Variants in GRIK4 observed in about 807,000 individuals in gnomAD.
GRIK4 encodes the protein glutamate ionotropic receptor kainate type subunit 4.
Under a neutral mutation model 104.9 loss-of-function variants are expected in GRIK4, and 40 were observed. The observed-to-expected ratio is 0.38, with a 90% CI of 0.30 to 0.50. The LOEUF (loss-of-function observed/expected upper bound fraction) is 0.50, where lower values mean the gene tolerates loss of function less well. GRIK4 is among the 20% of genes least tolerant of loss of function. The probability of loss-of-function intolerance (pLI) is 0.93; values close to 1 mark genes in which losing one functional copy is unlikely to be tolerated. For synonymous variants in GRIK4, 485 were observed against 524.9 expected, an observed-to-expected ratio of 0.92 and a Z score of 1.04; for missense variants, 1,047 against 1,308.1, an observed-to-expected ratio of 0.80 and a Z score of 3.08.
At chr11:120,775,865 A>G (rs1565344936) in intron 3 of GRIK4, among the ~76,000 whole-genome samples, 1 of 152,228 alleles carries the variant, frequency 6.6e-6, no homozygotes, top group East Asian at 1.9e-4. Flanking sequence ...ACACGGTGCT[A>G]CCTCTTGGGG....
At chr11:120,835,433 C>T (rs967194305) in intron 7 of GRIK4, among the ~76,000 whole-genome samples, 3 of 152,188 alleles carry the variant, frequency 2.0e-5, no homozygotes, top group Admixed American at 2.0e-4. Flanking sequence ...CAGCCTGAGG[C>T]AGGAGAATCA....
Position 120,985,966 on chromosome 11 carries a change from CCACCCCCGCCGGCGGCGCGCCG to C in GRIK4, c.2580_2601del (p.His860GlnfsTer188), listed in dbSNP as rs917418071. On this transcript the variant is annotated frameshift_variant, in exon 21 of 21. Coordinates refer to ENST00000527524, the MANE Select transcript of GRIK4 (RefSeq NM_014619.5). LOFTEE classifies it high-confidence loss of function. The stretch of plus-strand genomic sequence containing the variant: ...GCATTATCCTGTGTCAGGACAGTAT[CCACCCCCGCCGGCGGCGCGCCG>C]CAGTCCCGCCGCCCCGGCCCCCCAT... The C allele has an allele frequency of 4.6e-6, 7 of 1,538,032 alleles. No homozygotes were observed. Among genetic ancestry groups the C allele is most frequent in the East Asian group, 2.5e-5 (1 of 39,360 alleles).
At chr11:120,699,868 T>G (rs1950521721) in intron 3 of GRIK4, among the ~76,000 whole-genome samples, 1 of 152,150 alleles carries the variant, frequency 6.6e-6, no homozygotes, top group South Asian at 2.1e-4. Flanking sequence ...TGTGGCCAGT[T>G]TGTATCAGCA....
chr11:120,768,746 A>G (rs1951886094), intron 3 of GRIK4, among the ~76,000 whole-genome samples: 1 of 152,172 alleles, frequency 6.6e-6, no homozygotes, highest in African/African-American at 2.4e-5. Context: ...AGGTTTTATC[A>G]AGAAGGGATG....
At chr11:120,907,304 C>T (rs529904202) in intron 13 of GRIK4, among the ~76,000 whole-genome samples, 34 of 152,204 alleles carry the variant, frequency 2.2e-4, no homozygotes, top group East Asian at 1.2e-3. Context: ...ACTTCAGAGA[C>T]GGCGGTGTCA....
chr11:120,928,205 C>T, intron 13 of GRIK4, among the ~76,000 whole-genome samples: 1 of 119,246 alleles, frequency 8.4e-6, no homozygotes, highest in African/African-American at 2.9e-5. Context: ...CAGAGCAAGA[C>T]TCCGTCTTAA....
chr11:120,789,534 C>T (rs762448943), intron 3 of GRIK4, among the ~76,000 whole-genome samples: 6 of 152,124 alleles, frequency 3.9e-5, no homozygotes, highest in Non-Finnish European at 5.9e-5. Context: ...CTTCCCAACT[C>T]GTATTTCTGT....
intron 3 of GRIK4, among the ~76,000 whole-genome samples, chr11:120,693,886 A>G (rs1464274719): frequency 6.6e-6 from 1 of 152,138 alleles, no homozygotes; most frequent in Non-Finnish European, 1.5e-5. Context: ...AGAGCGGTGC[A>G]TTTGCCGTGT....
At chr11:120,941,723 C>T (rs1943730333) in intron 14 of GRIK4, among the ~76,000 whole-genome samples, 1 of 152,206 alleles carries the variant, frequency 6.6e-6, no homozygotes, top group South Asian at 2.1e-4. Flanking sequence ...GATGCATTTA[C>T]AAGCCAAGGG....
At chr11:120,548,089 G>A (rs1032375207) in intron 1 of GRIK4, among the ~76,000 whole-genome samples, 13 of 152,214 alleles carry the variant, frequency 8.5e-5, no homozygotes, top group African/African-American at 3.1e-4. Flanking sequence ...GTGATCAGCT[G>A]TTACTGGCGC....
chr11:120,580,573 CT>C (rs113719760), intron 1 of GRIK4, among the ~76,000 whole-genome samples: 144 of 145,470 alleles, frequency 9.9e-4, no homozygotes, highest in Admixed American at 1.4e-3. Flanking sequence ...GGCCTCCTTT[CT>C]TTTTTTTTTT....
chr11:120,973,352 T>C (rs1944507087), intron 19 of GRIK4, among the ~76,000 whole-genome samples: 1 of 151,994 alleles, frequency 6.6e-6, no homozygotes, highest in South Asian at 2.1e-4. Context: ...ACAGGAGGCC[T>C]CTCTCCACCA....
chr11:120,580,257 C>CTT (rs1490580608), intron 1 of GRIK4, among the ~76,000 whole-genome samples: 3 of 106,500 alleles, frequency 2.8e-5, no homozygotes, highest in South Asian at 2.9e-4. Flanking sequence ...CTTTCTTTTT[C>CTT]TTTCTTTCTT....
intron 1 of GRIK4, among the ~76,000 whole-genome samples, chr11:120,632,837 C>T (rs1227905067): frequency 6.6e-6 from 1 of 152,110 alleles, no homozygotes; most frequent in African/African-American, 2.4e-5. Context: ...GAGTGTGCTT[C>T]TCTGCTGTAG....
chr11:120,976,847 T>A (rs1354378241), intron 19 of GRIK4, among the ~76,000 whole-genome samples: 1 of 152,220 alleles, frequency 6.6e-6, no homozygotes, highest in Non-Finnish European at 1.5e-5. Flanking sequence ...AAAGGAGCTT[T>A]CCCTCTGTAT....
In GRIK4 at chr11:120,985,224, G is replaced by A. The variant is rs554791478; in HGVS notation, c.2515-680G>A. On this transcript the variant is annotated intron_variant, in intron 20 of 20. Transcript: ENST00000527524. ...TGATGCAAATGCACTCAGCGGCGGC[G>A]TGGCTTGGCTGATGTTTGTGGCCTT... Among the ~76,000 whole-genome samples the A allele has an allele frequency of 1.3e-4, 20 of 152,294 alleles. No homozygotes were observed. In the South Asian group the frequency reaches 1.9e-3, roughly 14 times the overall value.
intron 3 of GRIK4, among the ~76,000 whole-genome samples, chr11:120,725,930 T>A (rs1951021175): frequency 2.0e-5 from 3 of 152,206 alleles, no homozygotes; most frequent in Non-Finnish European, 2.9e-5. Context: ...CAGACAATAT[T>A]TTTATATACA....
At chr11:120,772,464 A>G (rs150024042) in intron 3 of GRIK4, among the ~76,000 whole-genome samples, 1 of 152,254 alleles carries the variant, frequency 6.6e-6, no homozygotes, top group East Asian at 1.9e-4. Flanking sequence ...GGGGATGACA[A>G]GAGGAGAACT....
chr11:120,646,894 C>T (rs1949551601), intron 1 of GRIK4, among the ~76,000 whole-genome samples: 1 of 152,178 alleles, frequency 6.6e-6, no homozygotes, highest in Non-Finnish European at 1.5e-5. Context: ...ATTGAACAGC[C>T]TGGTGAAGTA....
Sources: gnomAD v4.1 joint callset for allele counts (sites outside exome capture counted in the v4.1 genomes callset) on GRCh38, gnomAD v4.1.1 for gene constraint, MANE v1.5 for transcripts, NCBI Gene and HGNC (gene_info 2026-07-23, HGNC 2026-07-21) for gene names.